Variants in SGK1 observed in about 807,000 individuals in gnomAD.
SGK1 encodes the protein serine/threonine-protein kinase Sgk1.
In SGK1, 26 loss-of-function variants were observed where a neutral mutation model predicts 64.2. That is an observed-to-expected ratio of 0.40 (90% CI 0.30 to 0.56). The LOEUF is 0.56. SGK1 is among the 20% of genes least tolerant of loss of function. The pLI is 0.38. For synonymous variants in SGK1, 265 were observed against 239.7 expected, an observed-to-expected ratio of 1.11 and a Z score of -0.98; for missense variants, 519 against 645.6, an observed-to-expected ratio of 0.80 and a Z score of 2.12.
intron 1 of SGK1, among the ~76,000 whole-genome samples, chr6:134,316,424 A>AC (rs1777685482): frequency 6.6e-6 from 1 of 152,088 alleles, no homozygotes; most frequent in Admixed American, 6.6e-5. Context: ...GCAACTGGGG[A>AC]CTGGAGGATG....
intron 2 of SGK1, among the ~76,000 whole-genome samples, chr6:134,218,468 CTGT>C (rs1157921515): frequency 7.6e-6 from 1 of 131,572 alleles, no homozygotes; most frequent in Non-Finnish European, 1.6e-5. Context: ...GAGTCTGGCT[CTGT>C]TGCCCAGGCT....
intron 2 of SGK1, among the ~76,000 whole-genome samples, chr6:134,251,646 G>C (rs879710417): frequency 5.3e-5 from 8 of 152,130 alleles, no homozygotes; most frequent in Non-Finnish European, 1.2e-4. Context: ...TCCCTGGAGA[G>C]CTTATGAAAT....
intron 2 of SGK1, among the ~76,000 whole-genome samples, chr6:134,211,888 A>AAG: frequency 6.6e-6 from 1 of 151,010 alleles, no homozygotes; most frequent in East Asian, 2.0e-4. Context: ...AAAAAAAAAA[A>AAG]AAAAAAAAAA....
chr6:134,173,953 A>T lies in SGK1; in HGVS notation c.513+52T>A. The T allele has an allele frequency of 6.4e-6, 8 of 1,252,680 alleles. No individual in the cohort carries two copies. In the South Asian group the frequency reaches 1.0e-4, roughly 16 times the overall value. 77.6% of individuals were successfully genotyped at this position (1,252,680 alleles called of 1,614,324 possible). A position where few individuals can be genotyped will look rare whatever the true frequency, so the allele number is the denominator to read the frequency against. ...TTTAATCCATTAATGTAGGAATACT[A>T]ACTGACTCCCTTACAGTTCTCCACA... On this transcript the variant is annotated intron_variant, in intron 5 of 13. Coordinates refer to ENST00000367858, the MANE Select transcript of SGK1 (RefSeq NM_001143676.3).
intron 2 of SGK1, among the ~76,000 whole-genome samples, chr6:134,239,010 T>C (rs1399106096): frequency 6.6e-6 from 1 of 152,140 alleles, no homozygotes; most frequent in Non-Finnish European, 1.5e-5. Context: ...AAGATGAAAA[T>C]GGTCAAATAT....
chr6:134,226,094 T>G (rs1776172277), intron 2 of SGK1, among the ~76,000 whole-genome samples: 1 of 151,536 alleles, frequency 6.6e-6, no homozygotes, highest in Non-Finnish European at 1.5e-5. Context: ...CACTCTAGCC[T>G]GGGTGACAGA....
At chr6:134,273,149 G>T (rs1776965849) in intron 1 of SGK1, among the ~76,000 whole-genome samples, 1 of 147,754 alleles carries the variant, frequency 6.8e-6, no homozygotes, top group Admixed American at 6.9e-5. Flanking sequence ...GATGATGCAG[G>T]TAAGCCCAGT....
At chr6:134,304,222 C>CTCCA (rs1440377560) in intron 1 of SGK1, among the ~76,000 whole-genome samples, 7 of 152,218 alleles carry the variant, frequency 4.6e-5, no homozygotes. Flanking sequence ...GAGCAGAACC[C>CTCCA]TCCAAATGAG....
intron 1 of SGK1, among the ~76,000 whole-genome samples, chr6:134,300,859 C>A (rs1777442819): frequency 6.6e-6 from 1 of 151,820 alleles, no homozygotes; most frequent in South Asian, 2.1e-4. Context: ...GTCTTGAACT[C>A]CTGACCTCGG....
At chr6:134,223,546 C>T (rs956031166) in intron 2 of SGK1, among the ~76,000 whole-genome samples, 1 of 152,024 alleles carries the variant, frequency 6.6e-6, no homozygotes, top group Non-Finnish European at 1.5e-5. Flanking sequence ...AGGTACCTGA[C>T]ATGAGAGGAA....
At chr6:134,192,332 T>C in intron 3 of SGK1, among the ~76,000 whole-genome samples, 1 of 152,154 alleles carries the variant, frequency 6.6e-6, no homozygotes, top group East Asian at 1.9e-4. Flanking sequence ...AAGGTCAGGA[T>C]TTCGTGAGCT....
chr6:134,270,748 A>G (rs1191041916), intron 1 of SGK1, among the ~76,000 whole-genome samples: 1 of 148,062 alleles, frequency 6.8e-6, no homozygotes, highest in East Asian at 2.4e-4. Context: ...GAAGTGGGAA[A>G]ACGGAGACGC....
chr6:134,235,684 G>A (rs1368248464), intron 2 of SGK1, among the ~76,000 whole-genome samples: 1 of 151,738 alleles, frequency 6.6e-6, no homozygotes, highest in Admixed American at 6.6e-5. Context: ...TGATTCTCCT[G>A]CCTCAGCCTC....
chr6:134,307,065 C>A (rs1393764409), intron 1 of SGK1, among the ~76,000 whole-genome samples: 1 of 151,892 alleles, frequency 6.6e-6, no homozygotes, highest in African/African-American at 2.4e-5. Flanking sequence ...ACATAACTGC[C>A]AAGGTACTAG....
At chr6:134,226,247 G>C (rs1030839814) in intron 2 of SGK1, among the ~76,000 whole-genome samples, 30 of 152,094 alleles carry the variant, frequency 2.0e-4, no homozygotes, top group African/African-American at 7.0e-4. Context: ...CAAAACATCA[G>C]AAAGTAAGCA....
At chr6:134,192,189 T>C (rs1200822450) in intron 3 of SGK1, among the ~76,000 whole-genome samples, 4 of 152,078 alleles carry the variant, frequency 2.6e-5, no homozygotes, top group African/African-American at 4.8e-5. Context: ...GGTCTCCAAC[T>C]CCTGACCTCA....
chr6:134,190,607 A>C (rs1775495439), intron 3 of SGK1, among the ~76,000 whole-genome samples: 2 of 151,898 alleles, frequency 1.3e-5, no homozygotes, highest in Non-Finnish European at 2.9e-5. Context: ...ACAGTTTTTA[A>C]CACCCCTTGT....
chr6:134,198,992 C>T (rs960923671), intron 3 of SGK1, among the ~76,000 whole-genome samples: 3 of 152,114 alleles, frequency 2.0e-5, no homozygotes, highest in African/African-American at 7.2e-5. Context: ...CTCAAGCCAT[C>T]CTTCTGCCTC....
intron 1 of SGK1, among the ~76,000 whole-genome samples, chr6:134,315,963 GA>G (rs1356343423): frequency 6.6e-6 from 1 of 152,220 alleles, no homozygotes; most frequent in Non-Finnish European, 1.5e-5. Flanking sequence ...GAAAAACTAA[GA>G]AGCCTTGTGG....
Sources: allele counts gnomAD v4.1 joint callset (sites outside exome capture counted in the v4.1 genomes callset), GRCh38; gene constraint gnomAD v4.1.1; transcripts MANE v1.5; gene names NCBI Gene and HGNC (gene_info 2026-07-23, HGNC 2026-07-21).